REEP3: variants seen among roughly 807,000 people sequenced by gnomAD.
The protein encoded by REEP3 is receptor expression-enhancing protein 3.
In REEP3, 20 loss-of-function variants were observed where a neutral mutation model predicts 41.3. The ratio of observed to expected loss-of-function variants is 0.48; its 90% CI spans 0.34 to 0.70. The LOEUF is 0.70. Among genes scored for constraint, REEP3 ranks in the 30% least tolerant of loss-of-function variants. REEP3 has a pLI of 0.01. For missense variants in REEP3, 271 were observed against 308.8 expected, an observed-to-expected ratio of 0.88 and a Z score of 0.92; for synonymous variants, 104 against 101.8, an observed-to-expected ratio of 1.02 and a Z score of -0.13.
chr10:63,559,144 A>G (rs1213271604), intron 1 of REEP3, among the ~76,000 whole-genome samples: 1 of 152,172 alleles, frequency 6.6e-6, no homozygotes, highest in Non-Finnish European at 1.5e-5. Flanking sequence ...ATTTATTTTT[A>G]ACAAGCTACA....
At chr10:63,590,745 T>G (rs1956054306) in intron 2 of REEP3, among the ~76,000 whole-genome samples, 1 of 152,246 alleles carries the variant, frequency 6.6e-6, no homozygotes, top group Non-Finnish European at 1.5e-5. Flanking sequence ...TATAGCTTTC[T>G]CATTATTCAT....
chr10:63,545,991 G>T (rs1167921877), intron 1 of REEP3, among the ~76,000 whole-genome samples: 1 of 152,182 alleles, frequency 6.6e-6, no homozygotes, highest in Non-Finnish European at 1.5e-5. Flanking sequence ...TAGCCACACA[G>T]ATTCTGGGGA....
At chr10:63,582,100 C>T (rs1955960360) in intron 2 of REEP3, among the ~76,000 whole-genome samples, 1 of 152,186 alleles carries the variant, frequency 6.6e-6, no homozygotes, top group African/African-American at 2.4e-5. Flanking sequence ...TGCAGTGCTT[C>T]TCAAAATTTA....
At chr10:63,611,059 G>A (rs922538119) in intron 6 of REEP3, among the ~76,000 whole-genome samples, 2 of 152,090 alleles carry the variant, frequency 1.3e-5, no homozygotes, top group Non-Finnish European at 2.9e-5. Flanking sequence ...GCAACAGAGT[G>A]AGACTTTATC....
At chr10:63,522,147 A>C (rs566393537) in intron 1 of REEP3, among the ~76,000 whole-genome samples, 2 of 152,008 alleles carry the variant, frequency 1.3e-5, no homozygotes, top group East Asian at 1.9e-4. Flanking sequence ...TTGTCTAAAA[A>C]CCGGAGACCG....
intron 6 of REEP3, 42 bp downstream of exon 6, chr10:63,610,376 A>G (rs1478944822): frequency 1.3e-6 from 2 of 1,541,904 alleles, no homozygotes; most frequent in South Asian, 1.2e-5. Flanking sequence ...TTACATGGAA[A>G]CAGGGAGGGG....
chr10:63,593,759 G>GA, intron 2 of REEP3, among the ~76,000 whole-genome samples: 2 of 152,306 alleles, frequency 1.3e-5, no homozygotes, highest in African/African-American at 4.8e-5. Context: ...GGTCCCAAGA[G>GA]AAGGCAGAGT....
At position 63,562,994 on chromosome 10, in the gene REEP3, C is replaced by T. The variant is rs745849597; in HGVS notation, c.33-3344C>T. ...GGCCTTAATCCAGTATGATTGGCTT[C>T]CTTCTAAGAAGAGATTAGGCCACAC... On this transcript the variant is annotated intron_variant, in intron 1 of 7. Transcript: ENST00000373758. 2.4e-5 allele frequency: 11 copies of T among 456,386 alleles called. 1 individual carries two copies. Among genetic ancestry groups the T allele is most frequent in the South Asian group, 7.7e-5 (5 of 64,562 alleles). The allele number at this position is 456,386 out of a possible 1,614,324, so 28.3% of individuals were successfully genotyped here. A position where few individuals can be genotyped will look rare whatever the true frequency, so the allele number is the denominator to read the frequency against.
intron 7 of REEP3, among the ~76,000 whole-genome samples, chr10:63,620,180 G>A (rs560031220): frequency 2.2e-4 from 34 of 151,912 alleles, no homozygotes; most frequent in Non-Finnish European, 4.1e-4. Context: ...CAATCCTCTC[G>A]CCTCCGCCTC....
intron 2 of REEP3, among the ~76,000 whole-genome samples, chr10:63,593,477 A>G (rs990779838): frequency 3.3e-5 from 5 of 152,206 alleles, no homozygotes; most frequent in Non-Finnish European, 7.3e-5. Context: ...GATGGAATTA[A>G]TTATATTTCC....
At position 63,598,239 on chromosome 10, in the gene REEP3, G is replaced by T. The variant is rs1589882923; in HGVS notation, c.303+95G>T. On this transcript the variant is annotated intron_variant, in intron 4 of 7. Transcript: ENST00000373758. ...TCACACCTGTAATCCCAGCACTTTG[G>T]GAGGCTGAGGTGGGTGGATCACTGG... The T allele has an allele frequency of 9.7e-6, 8 of 824,418 alleles. No individual in the cohort carries two copies. In the East Asian group the frequency reaches 2.5e-4, roughly 26 times the overall value. The allele number at this position is 824,418 out of a possible 1,614,324, so 51.1% of individuals were successfully genotyped here.
intron 1 of REEP3, among the ~76,000 whole-genome samples, chr10:63,544,342 G>A (rs1054247303): frequency 3.3e-5 from 5 of 152,136 alleles, no homozygotes; most frequent in African/African-American, 4.8e-5. Flanking sequence ...ATATTAACAG[G>A]GGGTGTAAGG....
intron 1 of REEP3, among the ~76,000 whole-genome samples, chr10:63,561,712 A>C (rs16918603): frequency 6.6e-6 from 1 of 152,126 alleles, no homozygotes; most frequent in African/African-American, 2.4e-5. Context: ...GCCCAGATGT[A>C]TTACTGGCCA....
At chr10:63,556,929 C>T (rs1410581790) in intron 1 of REEP3, among the ~76,000 whole-genome samples, 1 of 152,082 alleles carries the variant, frequency 6.6e-6, no homozygotes, top group Non-Finnish European at 1.5e-5. Context: ...GCCACCGCGC[C>T]CGGCCTTTGC....
At chr10:63,600,590 G>A (rs898544218) in intron 5 of REEP3, among the ~76,000 whole-genome samples, 1 of 152,142 alleles carries the variant, frequency 6.6e-6, no homozygotes, top group African/African-American at 2.4e-5. Flanking sequence ...TAGTGAAAAT[G>A]CATTCCTGAT....
At chr10:63,549,502 G>A (rs1474247141) in intron 1 of REEP3, among the ~76,000 whole-genome samples, 1 of 152,204 alleles carries the variant, frequency 6.6e-6, no homozygotes, top group Non-Finnish European at 1.5e-5. Flanking sequence ...CAGATTTTGA[G>A]GCTGCAATAA....
At chr10:63,538,034 G>A (rs1213953603) in intron 1 of REEP3, among the ~76,000 whole-genome samples, 2 of 139,418 alleles carry the variant, frequency 1.4e-5, no homozygotes, top group Non-Finnish European at 3.0e-5. Flanking sequence ...ATGGGATATT[G>A]CTATAAAAAG....
intron 3 of REEP3, 92 bp from the exon 4 acceptor site, chr10:63,597,932 A>T (rs555332848): frequency 9.0e-7 from 1 of 1,109,122 alleles, no homozygotes; most frequent in Admixed American, 2.3e-5. Context: ...AAAAAACAGC[A>T]TAGTGACTGA....
At chr10:63,535,919 T>C (rs1054488261) in intron 1 of REEP3, among the ~76,000 whole-genome samples, 1 of 152,204 alleles carries the variant, frequency 6.6e-6, no homozygotes, top group African/African-American at 2.4e-5. Context: ...TATCACAATT[T>C]GGTAGAGAAG....
Sources: gnomAD v4.1 joint callset for allele counts (sites outside exome capture counted in the v4.1 genomes callset) on GRCh38, gnomAD v4.1.1 for gene constraint, MANE v1.5 for transcripts, NCBI Gene and HGNC (gene_info 2026-07-23, HGNC 2026-07-21) for gene names.